The following ZPLD1 variants were observed in gnomAD, a reference collection of about 807,000 sequenced individuals.
ZPLD1 encodes zona pellucida like domain containing 1.
Under a neutral mutation model 47.2 loss-of-function variants are expected in ZPLD1, and 34 were observed. The observed-to-expected ratio is 0.72, with a 90% confidence interval of 0.55 to 0.96. The LOEUF (loss-of-function observed/expected upper bound fraction) is 0.96, where lower values mean the gene tolerates loss of function less well. Among genes scored for constraint, ZPLD1 ranks in the 40% least tolerant of loss-of-function variants. The pLI is 0.00. For missense variants in ZPLD1, 512 were observed against 505.8 expected (o/e 1.01, Z -0.12); for synonymous variants, 176 against 186.2 (o/e 0.95, Z 0.45).
At position 102,438,107 on chromosome 3, in the gene ZPLD1, G is replaced by C. The variant is rs151122181; in HGVS notation, c.-8-373G>C. Among the ~76,000 whole-genome samples, 651 of 152,250 alleles carry C rather than the reference G, an allele frequency of 4.3e-3. 2 individuals carry two copies. Among genetic ancestry groups the C allele is most frequent in the Non-Finnish European group, 7.0e-3 (479 of 68,014 alleles). ...TATATACTTGTTGGTATTGTAAAAA[G>C]TAGACTCATCTCCAAATTAGTCTGC... On this transcript the variant is annotated intron_variant, in intron 2 of 11. Coordinates refer to ENST00000466937, the MANE Select transcript of ZPLD1 (RefSeq NM_001329788.2).
At chr3:102,474,510 A>G (rs1331660191) in intron 10 of ZPLD1, among the ~76,000 whole-genome samples, 1 of 152,188 alleles carries the variant, frequency 6.6e-6, no homozygotes, top group African/African-American at 2.4e-5. Flanking sequence ...CAGACTATGA[A>G]CGAACGTAAC....
chr3:102,429,603 T>C (rs781424073), intron 8 of ZPLD1, among the ~76,000 whole-genome samples: 1 of 152,204 alleles, frequency 6.6e-6, no homozygotes, highest in Non-Finnish European at 1.5e-5. Flanking sequence ...TGACTTGATA[T>C]TGGATGCTCT....
intron 7 of ZPLD1, among the ~76,000 whole-genome samples, chr3:102,462,731 T>A (rs771379398): frequency 5.9e-5 from 9 of 152,104 alleles, no homozygotes; most frequent in Non-Finnish European, 8.8e-5. Context: ...TCCATATGTA[T>A]GTTACTCTTC....
intron 11 of ZPLD1, 92 bp downstream of exon 11, chr3:102,477,133 T>G: frequency 6.9e-7 from 1 of 1,440,630 alleles, no homozygotes. Context: ...GCTTGAGTTT[T>G]CCAAGTTTGG....
intron 9 of ZPLD1, among the ~76,000 whole-genome samples, chr3:102,469,616 C>T (rs1247985675): frequency 6.6e-6 from 1 of 152,092 alleles, no homozygotes; most frequent in Non-Finnish European, 1.5e-5. Context: ...GACAGAGACA[C>T]ATAAATTAGT....
chr3:102,459,077 G>T (rs952070161), intron 6 of ZPLD1, among the ~76,000 whole-genome samples: 5 of 113,038 alleles, frequency 4.4e-5, no homozygotes, highest in African/African-American at 1.8e-4. Flanking sequence ...GAGACAGAGC[G>T]AGACTCCGTC....
intron 8 of ZPLD1, among the ~76,000 whole-genome samples, chr3:102,465,372 C>T (rs1707574623): frequency 6.6e-6 from 1 of 152,134 alleles, no homozygotes; most frequent in African/African-American, 2.4e-5. Context: ...CTTTCTCCTA[C>T]CTTCTCCCTT....
intron 6 of ZPLD1, among the ~76,000 whole-genome samples, chr3:102,390,211 A>T (rs556211729): frequency 6.6e-6 from 1 of 152,308 alleles, no homozygotes; most frequent in South Asian, 2.1e-4. Flanking sequence ...ACTCAAAAAG[A>T]TAATTTTAGG....
In ZPLD1 at chr3:102,438,548, T is replaced by C; in HGVS notation, c.61T>C (p.Phe21Leu). The change falls in exon 3 of 12, where the codon TTC becomes CTC. Residue 21 changes from phenylalanine (F) to leucine (L), a missense_variant. By Grantham distance (22) the Phe-to-Leu change is conservative. Transcript: ENST00000466937. The part of the protein sequence containing the change: ...TIRVLPGSAQ[F>L]NGYNCDANLH... Reference sequence around the variant, plus strand: ...TAGAGTGCTTCCGGGGTCTGCTCAGTTCAACGGCTACAACTGTGATGCCAA... The same window carrying C: ...TAGAGTGCTTCCGGGGTCTGCTCAGCTCAACGGCTACAACTGTGATGCCAA... 9 of 1,613,974 alleles carry C rather than the reference T, an allele frequency of 5.6e-6. No individual in the cohort carries two copies. The highest frequency in any genetic ancestry group is 7.6e-6 in the Non-Finnish European group (9 of 1,179,850).
At chr3:102,474,563 T>C (rs1361175009) in intron 10 of ZPLD1, among the ~76,000 whole-genome samples, 1 of 152,148 alleles carries the variant, frequency 6.6e-6, no homozygotes, top group Non-Finnish European at 1.5e-5. Flanking sequence ...ATTTGAGATG[T>C]GTGGTCCATT....
intron 7 of ZPLD1, among the ~76,000 whole-genome samples, chr3:102,407,392 A>AATAT (rs63183460): frequency 0.041 from 1,520 of 37,512 alleles, 124 homozygotes; most frequent in Non-Finnish European, 0.056. Flanking sequence ...TTGATTTTCA[A>AATAT]ATATATATAT....
In ZPLD1 at chr3:102,477,427, G is replaced by A; in HGVS notation, c.1073-16G>A. On this transcript the variant is annotated splice_polypyrimidine_tract_variant and intron_variant, in intron 11 of 11. Transcript: ENST00000466937. ...ATATGGGGCCTTTACAACCGGGTGT[G>A]TTTTATTATTTGCAGGTTCTCCAAG... 6.2e-7 allele frequency: 1 copy of A among 1,607,636 alleles called. No individual in the cohort carries two copies. Among genetic ancestry groups the A allele is most frequent in the Non-Finnish European group, 8.5e-7 (1 of 1,177,550 alleles).
chr3:102,467,598 T>C (rs566801668), intron 8 of ZPLD1, among the ~76,000 whole-genome samples: 46 of 152,008 alleles, frequency 3.0e-4, no homozygotes, highest in Non-Finnish European at 5.9e-4. Context: ...TTTAAAACAG[T>C]GTTGGACATG....
At chr3:102,393,040 T>C (rs946322740) in intron 7 of ZPLD1, among the ~76,000 whole-genome samples, 2 of 152,208 alleles carry the variant, frequency 1.3e-5, no homozygotes, top group Non-Finnish European at 2.9e-5. Flanking sequence ...GGTACGTCTA[T>C]AATTTCTTAT....
intron 3 of ZPLD1, among the ~76,000 whole-genome samples, chr3:102,450,276 T>A (rs981623812): frequency 6.6e-6 from 1 of 152,184 alleles, no homozygotes; most frequent in Non-Finnish European, 1.5e-5. Flanking sequence ...TATAATAAGA[T>A]GTGCCAATCT....
rs115088929 is a variant in ZPLD1, at chr3:102,423,511, T to C, written c.-9+5304T>C. Among the ~76,000 whole-genome samples, 1,354 of 152,192 alleles carry C rather than the reference T, an allele frequency of 8.9e-3. 21 individuals carry two copies. Among genetic ancestry groups the C allele is most frequent in the African/African-American group, 0.031 (1,299 of 41,540 alleles). On this transcript the variant is annotated intron_variant, in intron 8 of 17. Coordinates refer to the ZPLD1 transcript ENST00000491959. Reference sequence around the variant, plus strand: ...AAGGAACTCTCCTATAAACACAGAATATTAATCTTACAATTTTATTTTGGC... The same window carrying C: ...AAGGAACTCTCCTATAAACACAGAACATTAATCTTACAATTTTATTTTGGC...
intron 6 of ZPLD1, 23 bp from the exon 7 acceptor site, chr3:102,462,258 A>AT (rs752959599): frequency 5.3e-5 from 80 of 1,507,862 alleles, no homozygotes; most frequent in African/African-American, 1.1e-4. Flanking sequence ...GTAATAATAG[A>AT]TTTTTTATTG....
At chr3:102,424,915 A>G (rs1004458077) in intron 8 of ZPLD1, among the ~76,000 whole-genome samples, 1 of 151,938 alleles carries the variant, frequency 6.6e-6, no homozygotes, top group Non-Finnish European at 1.5e-5. Context: ...ATCTAAACCC[A>G]TGATTTTCAG....
At position 102,477,500 on chromosome 3, in the gene ZPLD1, G is replaced by A; in HGVS notation, c.1130G>A (p.Gly377Glu). ...LNAITSALIS[G>E]MVILGVTSFS... ...GCCATCACCAGCGCACTGATATCAG[G>A]AATGGTCATTCTGGGAGTTACGAGC... Residue 377 changes from glycine to glutamate, a missense_variant, in exon 12 of 12, where the codon GGA (glycine) becomes GAA (glutamate). Gly to Glu is a moderately conservative substitution (Grantham distance 98, BLOSUM62 -2). Transcript: ENST00000466937. The A allele has an allele frequency of 6.2e-7, 1 of 1,613,794 alleles. No homozygotes were observed.
Sources: gnomAD v4.1 joint callset for allele counts (sites outside exome capture counted in the v4.1 genomes callset) on GRCh38, gnomAD v4.1.1 for gene constraint, MANE v1.5 for transcripts, NCBI Gene and HGNC (gene_info 2026-07-23, HGNC 2026-07-21) for gene names.